CTNNA3: variants seen among roughly 807,000 people sequenced by gnomAD.
CTNNA3 encodes the protein catenin alpha 3.
Under a neutral mutation model 95.7 loss-of-function variants are expected in CTNNA3, and 76 were observed. The observed-to-expected ratio is 0.79, with a 90% CI of 0.66 to 0.96. CTNNA3 has a LOEUF of 0.96. Ranked by LOEUF, CTNNA3 falls within the 40% of genes least tolerant of loss-of-function variation. The probability of loss-of-function intolerance (pLI) is 0.00; values close to 1 mark genes in which losing one functional copy is unlikely to be tolerated. For missense variants in CTNNA3, 1,191 were observed against 1,089.8 expected (o/e 1.09, Z -1.31); for synonymous variants, 431 against 374.4 (o/e 1.15, Z -1.74).
At chr10:67,209,346 C>T (rs1864043179) in intron 6 of CTNNA3, among the ~76,000 whole-genome samples, 1 of 151,950 alleles carries the variant, frequency 6.6e-6, no homozygotes, top group African/African-American at 2.4e-5. Context: ...ACCGCACGGG[C>T]CTAATATAAG....
intron 1 of CTNNA3, among the ~76,000 whole-genome samples, chr10:67,744,373 G>A (rs1292357678): frequency 6.6e-6 from 1 of 151,152 alleles, no homozygotes; most frequent in Non-Finnish European, 1.5e-5. Context: ...TCTGATCTTT[G>A]ACAAACCTGA....
intron 7 of CTNNA3, among the ~76,000 whole-genome samples, chr10:67,123,665 TA>T (rs1564906829): frequency 6.6e-6 from 1 of 152,124 alleles, no homozygotes; most frequent in African/African-American, 2.4e-5. Flanking sequence ...TTATAAAAGA[TA>T]AAGTAAATTT....
chr10:67,555,975 T>A (rs1337264659), intron 3 of CTNNA3, among the ~76,000 whole-genome samples: 1 of 152,208 alleles, frequency 6.6e-6, no homozygotes, highest in African/African-American at 2.4e-5. Context: ...GGTTGTTGAA[T>A]TCTGTCGAAG....
At chr10:66,445,820 A>G (rs1168981947) in intron 11 of CTNNA3, among the ~76,000 whole-genome samples, 1 of 152,080 alleles carries the variant, frequency 6.6e-6, no homozygotes, top group Non-Finnish European at 1.5e-5. Context: ...AAATAACTAA[A>G]ATCAGAGCAG....
At chr10:66,526,939 AT>A (rs1589378227) in intron 10 of CTNNA3, among the ~76,000 whole-genome samples, 2 of 152,118 alleles carry the variant, frequency 1.3e-5, no homozygotes, top group East Asian at 1.9e-4. Flanking sequence ...GAAGTTTTAA[AT>A]TTTGATGAAG....
At chr10:67,160,839 T>C (rs1390956765) in intron 7 of CTNNA3, among the ~76,000 whole-genome samples, 1 of 152,206 alleles carries the variant, frequency 6.6e-6, no homozygotes, top group Non-Finnish European at 1.5e-5. Flanking sequence ...CAATGAAATA[T>C]TATTCTGTAT....
intron 10 of CTNNA3, among the ~76,000 whole-genome samples, chr10:66,567,644 CGAG>C (rs1842754137): frequency 6.6e-6 from 1 of 151,832 alleles, no homozygotes; most frequent in Admixed American, 6.6e-5. Context: ...TAAAAATAAA[CGAG>C]AGAGAGAGGA....
At chr10:66,774,707 T>C (rs1840225671) in intron 8 of CTNNA3, among the ~76,000 whole-genome samples, 1 of 152,184 alleles carries the variant, frequency 6.6e-6, no homozygotes, top group Non-Finnish European at 1.5e-5. Context: ...GAGTTAATGA[T>C]GACCAAGTGA....
chr10:66,682,769 G>T (rs1847113753), intron 9 of CTNNA3, among the ~76,000 whole-genome samples: 1 of 150,754 alleles, frequency 6.6e-6, no homozygotes, highest in Non-Finnish European at 1.5e-5. Context: ...AAAAGGAAGA[G>T]GTAAATAATT....
intron 13 of CTNNA3, among the ~76,000 whole-genome samples, chr10:66,252,483 GAA>G (rs2090598580): frequency 6.6e-6 from 1 of 152,172 alleles, no homozygotes; most frequent in Non-Finnish European, 1.5e-5. Context: ...CTGAAGTGAA[GAA>G]AAGAGATTTA....
At chr10:67,613,707 T>A (rs138027144) in intron 2 of CTNNA3, among the ~76,000 whole-genome samples, 2 of 152,336 alleles carry the variant, frequency 1.3e-5, no homozygotes, top group African/African-American at 4.8e-5. Flanking sequence ...TTTTTATTAC[T>A]GATTTTTTCA....
chr10:67,715,405 C>A (rs1014192853), intron 1 of CTNNA3, among the ~76,000 whole-genome samples: 4 of 152,052 alleles, frequency 2.6e-5, no homozygotes, highest in African/African-American at 9.7e-5. Context: ...GAGAACTGAC[C>A]AAATGAGAAG....
chr10:66,054,187 G>C (rs2080024408), intron 15 of CTNNA3, among the ~76,000 whole-genome samples: 1 of 152,096 alleles, frequency 6.6e-6, no homozygotes, highest in South Asian at 2.1e-4. Context: ...TGCAATAAAA[G>C]TGGGAGTGCA....
At chr10:66,905,383 T>C (rs1229270186) in intron 7 of CTNNA3, among the ~76,000 whole-genome samples, 1 of 151,946 alleles carries the variant, frequency 6.6e-6, no homozygotes, top group Non-Finnish European at 1.5e-5. Flanking sequence ...GTTGGAGGAC[T>C]GGGGAAGGGA....
At chr10:67,430,853 A>ACACACACACACACC (rs1046467004) in intron 5 of CTNNA3, among the ~76,000 whole-genome samples, 12 of 149,938 alleles carry the variant, frequency 8.0e-5, no homozygotes, top group Admixed American at 4.0e-4. Context: ...ACACACACAC[A>ACACACACACACACC]CCCTCACACA....
intron 7 of CTNNA3, among the ~76,000 whole-genome samples, chr10:67,026,786 A>G (rs1426325462): frequency 1.3e-5 from 2 of 152,206 alleles, no homozygotes; most frequent in African/African-American, 4.8e-5. Context: ...ATAAGGAGAG[A>G]TTTATGAAAA....
chr10:66,954,316 T>C (rs1420143237), intron 7 of CTNNA3, among the ~76,000 whole-genome samples: 2 of 152,210 alleles, frequency 1.3e-5, no homozygotes, highest in African/African-American at 4.8e-5. Context: ...TTGTTCTGTG[T>C]CTAGTTAAAC....
chr10:67,394,694 G>A lies in CTNNA3; in HGVS notation c.579+127148C>T, dbSNP rs1333054193. On this transcript the variant is annotated intron_variant, in intron 5 of 17. Transcript: ENST00000433211. ...ATTCAAACAAAAATACAGGGAGGGA[G>A]CATCAAATATCCATAAAAATTATTT... 3.9e-5 allele frequency among the ~76,000 whole-genome samples: 6 copies of A among 152,056 alleles called. No homozygotes were observed. In the East Asian group the frequency reaches 9.6e-4, roughly 24 times the overall value.
At chr10:67,314,856 T>G (rs1840974664) in intron 5 of CTNNA3, among the ~76,000 whole-genome samples, 1 of 152,248 alleles carries the variant, frequency 6.6e-6, no homozygotes, top group South Asian at 2.1e-4. Flanking sequence ...TAAGAAGGTT[T>G]ATCAGTAGTT....
Sources: allele counts gnomAD v4.1 joint callset (sites outside exome capture counted in the v4.1 genomes callset), GRCh38; gene constraint gnomAD v4.1.1; transcripts MANE v1.5; gene names NCBI Gene and HGNC (gene_info 2026-07-23, HGNC 2026-07-21).